MAP4K1: variants seen among roughly 807,000 people sequenced by gnomAD.
MAP4K1 encodes mitogen-activated protein kinase kinase kinase kinase 1, also known as MAPK/ERK kinase kinase kinase 1.
A neutral mutation model predicts 122.8 loss-of-function variants in MAP4K1; 35 were observed. The observed-to-expected ratio is 0.29, with a 90% CI of 0.22 to 0.38. The LOEUF (loss-of-function observed/expected upper bound fraction) is 0.38. Among genes scored for constraint, MAP4K1 ranks in the 10% least tolerant of loss-of-function variants. The pLI, the probability that MAP4K1 is intolerant of heterozygous loss-of-function variation, is 1.00. For missense variants in MAP4K1, 791 were observed against 1,072.6 expected, an observed-to-expected ratio of 0.74 and a Z score of 3.67; for synonymous variants, 412 against 421.3, an observed-to-expected ratio of 0.98 and a Z score of 0.27.
At chr19:38,603,374 A>G (rs1156585784) in intron 19 of MAP4K1, among the ~76,000 whole-genome samples, 1 of 151,284 alleles carries the variant, frequency 6.6e-6, no homozygotes, top group Non-Finnish European at 1.5e-5. Flanking sequence ...ACACATATAC[A>G]TATATACACA....
chr19:38,615,782 C>T lies in MAP4K1; in HGVS notation c.313+413G>A, dbSNP rs538585852. Among the ~76,000 whole-genome samples the T allele has an allele frequency of 5.3e-5, 8 of 152,132 alleles. 1 individual carries two copies. Among genetic ancestry groups the T allele is most frequent in the African/African-American group, 1.9e-4 (8 of 41,520 alleles). On this transcript the variant is annotated intron_variant, in intron 4 of 30. Coordinates refer to ENST00000396857, the MANE Select transcript of MAP4K1 (RefSeq NM_001042600.3). ...AAACGATTCTCCTGCCTCAGCCTCCCGAGTAGCTGGGATTACAGGCGTCTG... is the reference window on the plus strand; with the variant it reads ...AAACGATTCTCCTGCCTCAGCCTCCTGAGTAGCTGGGATTACAGGCGTCTG...
intron 19 of MAP4K1, among the ~76,000 whole-genome samples, chr19:38,602,389 T>C (rs1015522226): frequency 6.7e-6 from 1 of 150,220 alleles, no homozygotes; most frequent in Admixed American, 6.8e-5. Context: ...TATATATATA[T>C]ACACATATAC....
rs1599712916 is a variant in MAP4K1, at chr19:38,607,993, G to T, written c.1106C>A (p.Pro369His). The T allele has an allele frequency of 1.2e-6, 2 of 1,611,692 alleles. No individual in the cohort carries two copies. Among genetic ancestry groups the T allele is most frequent in the Admixed American group, 1.7e-5 (1 of 59,600 alleles). The change falls in exon 15 of 31, where the codon CCC becomes CAC. Residue 369 changes from proline to histidine, a missense_variant. Around this residue, in one of 4 missense-constraint regions of MAP4K1, gnomAD observed 303 missense variants for 344.8 expected, o/e 0.88. Transcript: ENST00000396857. ...QPPRDLRSSS[P>H]RKQLSESSDD... ...CATCCTCCCTGGGGTCCCTGACCTG[G>T]GGCTGCTGCTCCTGAGGTCTCGAGG...
At chr19:38,601,337 G>A (rs1975057385) in intron 20 of MAP4K1, 104 bp downstream of exon 20, 1 of 1,022,316 alleles carries the variant, frequency 9.8e-7, no homozygotes, top group Admixed American at 2.2e-5. Context: ...ACTCCATTAA[G>A]CTCCTCCCCG....
chr19:38,603,707 G>T (rs1288749829), intron 19 of MAP4K1, among the ~76,000 whole-genome samples: 1 of 152,068 alleles, frequency 6.6e-6, no homozygotes, highest in Non-Finnish European at 1.5e-5. Flanking sequence ...AGCTGGGCCG[G>T]GCGCGGTGGC....
rs957328262 is a variant in MAP4K1 at position 38,587,944 on chromosome 19, C to T, written c.2397-127G>A. ...AACTATAGCAGTGAATGGGCAGACA[C>T]GGTCCCTGCCCTTAGGAAGCTTGCA... is the stretch of plus-strand genomic sequence containing the variant. On this transcript the variant is annotated intron_variant, in intron 30 of 30. Transcript: ENST00000396857. 24 of 719,672 alleles carry T rather than the reference C, an allele frequency of 3.3e-5. No homozygotes were observed. The East Asian group carries it at 3.5e-4, about 10-fold the overall frequency. The allele number at this position is 719,672 out of a possible 1,614,324, so 44.6% of individuals were successfully genotyped here.
intron 30 of MAP4K1, 31 bp from the exon 31 acceptor site, chr19:38,587,848 TATTC>T: frequency 1.3e-6 from 2 of 1,484,580 alleles, no homozygotes; most frequent in South Asian, 2.3e-5. Flanking sequence ...TCAGTTCATT[TATTC>T]ATTCATATGT....
intron 20 of MAP4K1, among the ~76,000 whole-genome samples, chr19:38,601,235 C>A (rs1282928493): frequency 6.6e-6 from 1 of 152,134 alleles, no homozygotes; most frequent in African/African-American, 2.4e-5. Flanking sequence ...AGGTGTGAGC[C>A]ACCACACCTG....
At chr19:38,588,603 A>T (rs185263960) in intron 30 of MAP4K1, among the ~76,000 whole-genome samples, 9 of 142,484 alleles carry the variant, frequency 6.3e-5, no homozygotes, top group African/African-American at 2.4e-4. Flanking sequence ...ACAAAAAAAA[A>T]TTAGCCAGGT....
intron 19 of MAP4K1, chr19:38,601,823 G>A: frequency 2.8e-6 from 1 of 363,130 alleles, no homozygotes; most frequent in South Asian, 2.7e-5. Context: ...GGTTGCCCAG[G>A]CTGGAATGCA....
At chr19:38,602,531 T>TATATACACATATACATATATATACACAC (rs1975105376) in intron 19 of MAP4K1, among the ~76,000 whole-genome samples, 1 of 147,132 alleles carries the variant, frequency 6.8e-6, no homozygotes, top group Admixed American at 6.8e-5. Flanking sequence ...CGCATATACA[T>TATATACACATATACATATATATACACAC]ATATACACAT....
chr19:38,588,514 A>C (rs913338153), intron 30 of MAP4K1, among the ~76,000 whole-genome samples: 12 of 151,950 alleles, frequency 7.9e-5, no homozygotes, highest in Non-Finnish European at 1.5e-4. Context: ...AATATGGTGA[A>C]TCCCATCTCT....
chr19:38,596,579 A>G (rs1372691150), intron 25 of MAP4K1, 93 bp from the exon 26 acceptor site: 2 of 1,056,210 alleles, frequency 1.9e-6, no homozygotes, highest in Non-Finnish European at 1.3e-6. Context: ...CTTCCGAACC[A>G]GGGCCCTAAG....
intron 19 of MAP4K1, 118 bp downstream of exon 19, chr19:38,605,291 A>G: frequency 1.3e-6 from 1 of 750,130 alleles, no homozygotes; most frequent in East Asian, 2.7e-5. Context: ...TAGGGCACAG[A>G]GAAGCGCTCA....
chr19:38,598,792 T>A (rs1253012573), intron 22 of MAP4K1, among the ~76,000 whole-genome samples: 1 of 151,696 alleles, frequency 6.6e-6, no homozygotes, highest in East Asian at 1.9e-4. Flanking sequence ...GACGAGTGGA[T>A]CACCAGGTCA....
At chr19:38,602,659 T>TAC (rs1235815650) in intron 19 of MAP4K1, among the ~76,000 whole-genome samples, 1 of 148,798 alleles carries the variant, frequency 6.7e-6, no homozygotes, top group South Asian at 2.1e-4. Context: ...TATACATATA[T>TAC]ACACATGTAC....
intron 22 of MAP4K1, among the ~76,000 whole-genome samples, chr19:38,599,128 C>T (rs1045130163): frequency 1.4e-4 from 15 of 110,014 alleles, no homozygotes; most frequent in African/African-American, 5.3e-4. Flanking sequence ...CAGGAGTTTG[C>T]GACCAGCCTG....
chr19:38,613,571 G>C (rs1276175032), intron 8 of MAP4K1, among the ~76,000 whole-genome samples: 2 of 151,890 alleles, frequency 1.3e-5, no homozygotes, highest in Non-Finnish European at 2.9e-5. Flanking sequence ...GACAGAGAGT[G>C]AGAGAGACAG....
chr19:38,603,114 ACATGTACATATATACG>A (rs1309349106), intron 19 of MAP4K1, among the ~76,000 whole-genome samples: 3 of 114,492 alleles, frequency 2.6e-5, no homozygotes, highest in African/African-American at 6.5e-5. Flanking sequence ...ACATATATAC[ACATGTACATATATACG>A]CATATACATA....
Sources: gnomAD v4.1 joint callset for allele counts (sites outside exome capture counted in the v4.1 genomes callset) on GRCh38, gnomAD v4.1.1 for gene constraint, gnomAD v4.1.1 regional missense constraint, MANE v1.5 for transcripts, NCBI Gene and HGNC (gene_info 2026-07-23, HGNC 2026-07-21) for gene names.